The following DOCK3 variants were observed in gnomAD, a reference collection of about 807,000 sequenced individuals.
The protein encoded by DOCK3 is dedicator of cytokinesis protein 3.
A neutral mutation model predicts 265.6 loss-of-function variants in DOCK3; 60 were observed. The ratio of observed to expected loss-of-function variants is 0.23; its 90% confidence interval spans 0.18 to 0.28. DOCK3 has a LOEUF of 0.28. Ranked by LOEUF, DOCK3 falls within the 10% of genes least tolerant of loss-of-function variation. The probability of loss-of-function intolerance (pLI) is 1.00; values close to 1 mark genes in which losing one functional copy is unlikely to be tolerated. For synonymous variants in DOCK3, 881 were observed against 938.0 expected (o/e 0.94, Z 1.11); for missense variants, 1,981 against 2,594.3 (o/e 0.76, Z 5.14).
intron 1 of DOCK3, among the ~76,000 whole-genome samples, chr3:50,720,786 C>T (rs1559550692): frequency 1.3e-5 from 2 of 152,190 alleles, no homozygotes; most frequent in Non-Finnish European, 1.5e-5. Context: ...AAACTTCTTC[C>T]ACAATGGCTG....
chr3:51,361,921 G>C lies in DOCK3; in HGVS notation c.5069G>C (p.Ser1690Thr). ...TCCTCTCTCTCCTCACATGCGTCTA[G>C]TGAAGCAGGAAACATGGTGATGCTG... ...SSSSLSSHAS[S>T]EAGNMVMLGD... is the part of the protein sequence containing the mutation. The change falls in exon 48 of 53, where the codon AGT (serine) becomes ACT (threonine). Residue 1690 changes from serine to threonine, a missense_variant. By Grantham distance (58) the Ser-to-Thr change is moderately conservative. Coordinates refer to ENST00000266037, the MANE Select transcript of DOCK3 (RefSeq NM_004947.5). This position sits in a 1 kb window ranked among gnomAD's most constrained non-coding sequence, Gnocchi z 4.2. 6.2e-7 allele frequency: 1 copy of C among 1,613,154 alleles called. No individual in the cohort carries two copies. The highest frequency in any genetic ancestry group is 8.5e-7 in the Non-Finnish European group (1 of 1,179,598).
intron 12 of DOCK3, among the ~76,000 whole-genome samples, chr3:51,197,083 G>T (rs540644507): frequency 2.0e-5 from 3 of 152,184 alleles, no homozygotes; most frequent in African/African-American, 7.2e-5. Flanking sequence ...TTTGACTCTG[G>T]TGTGTGCAGT....
intron 12 of DOCK3, among the ~76,000 whole-genome samples, chr3:51,200,827 T>C (rs1198632159): frequency 6.6e-6 from 1 of 152,152 alleles, no homozygotes; most frequent in African/African-American, 2.4e-5. Flanking sequence ...GCGGATCTCT[T>C]GGCAGAAACT....
intron 5 of DOCK3, among the ~76,000 whole-genome samples, chr3:50,948,012 C>T (rs112271582): frequency 0.049 from 6,813 of 140,154 alleles, 239 homozygotes; most frequent in Non-Finnish European, 0.074. Context: ...CCTGCCACCA[C>T]GCCCAGCTAA....
At chr3:51,107,584 G>A (rs4511930) in intron 9 of DOCK3, among the ~76,000 whole-genome samples, 137,194 of 152,240 alleles carry the variant, frequency 0.9, 62,013 homozygotes, top group African/African-American at 0.95. Flanking sequence ...AAGCTGAGGA[G>A]AGAATCTCAG....
chr3:50,832,598 T>C (rs921824285), intron 2 of DOCK3, among the ~76,000 whole-genome samples: 2 of 152,218 alleles, frequency 1.3e-5, no homozygotes, highest in Non-Finnish European at 2.9e-5. Context: ...TGACTTAGAA[T>C]TCCTAAACTC....
intron 1 of DOCK3, among the ~76,000 whole-genome samples, chr3:50,722,015 C>T (rs375900842): frequency 6.6e-6 from 1 of 151,938 alleles, no homozygotes; most frequent in East Asian, 1.9e-4. Flanking sequence ...GGAAATATGC[C>T]AAAAGAAAGA....
chr3:51,115,132 T>C (rs1446342726), intron 9 of DOCK3, among the ~76,000 whole-genome samples: 1 of 152,238 alleles, frequency 6.6e-6, no homozygotes, highest in Non-Finnish European at 1.5e-5. Flanking sequence ...TATAGTAGAA[T>C]GATTTATAAT....
chr3:51,381,389 C>T lies in DOCK3; in HGVS notation c.5923C>T (p.Pro1975Ser), dbSNP rs547589839. 1 of 1,612,726 alleles carries T rather than the reference C, an allele frequency of 6.2e-7. No individual in the cohort carries two copies. Among genetic ancestry groups the T allele is most frequent in the South Asian group, 1.1e-5 (1 of 91,058 alleles). Reference protein sequence around the residue: ...QDPMDPPALPPKPYHPRLPAL... With the variant: ...QDPMDPPALPSKPYHPRLPAL... ...CCCCATGGACCCGCCTGCGCTGCCG[C>T]CCAAGCCCTACCACCCCCGCCTGCC... The change falls in exon 53 of 53, where the codon CCC becomes TCC. Residue 1975 changes from proline (P) to serine (S), a missense_variant. This residue lies in a region of DOCK3 where 149 missense variants were observed against 144.7 expected (regional missense o/e 1.03). Coordinates refer to ENST00000266037, the MANE Select transcript of DOCK3 (RefSeq NM_004947.5). The surrounding 1 kb of genome is among the most constrained non-coding windows in gnomAD (Gnocchi z 5.6).
At position 50,900,914 on chromosome 3, in the gene DOCK3, C is replaced by G. The variant is rs538532056; in HGVS notation, c.218+10833C>G. On this transcript the variant is annotated intron_variant, in intron 4 of 52. Transcript: ENST00000266037. ...CTCCTGTATGAGGTGTCTGTCGCTC[C>G]CTGTTGGGAGGTGTCTCCTAGTCAG... 3.2e-4 allele frequency: 137 copies of G among 432,268 alleles called. 1 individual carries two copies. The highest frequency in any genetic ancestry group is 2.3e-3 in the South Asian group (135 of 59,950). 26.8% of individuals were successfully genotyped at this position (432,268 alleles called of 1,614,324 possible).
At chr3:50,779,393 T>A (rs1034164388) in intron 2 of DOCK3, among the ~76,000 whole-genome samples, 2 of 151,970 alleles carry the variant, frequency 1.3e-5, no homozygotes, top group Admixed American at 6.6e-5. Context: ...GTTTATTTAT[T>A]TTTTTTTGAG....
chr3:51,080,399 C>T (rs72939985), intron 7 of DOCK3, among the ~76,000 whole-genome samples: 20 of 152,236 alleles, frequency 1.3e-4, no homozygotes, highest in African/African-American at 3.6e-4. Flanking sequence ...GTGTTTTGCT[C>T]CCTGGAAGTG....
intron 22 of DOCK3, among the ~76,000 whole-genome samples, chr3:51,251,529 C>T (rs549175240): frequency 1.3e-5 from 2 of 152,274 alleles, no homozygotes; most frequent in South Asian, 2.1e-4. Flanking sequence ...CTCTCCAGCA[C>T]CTGTTGTTTC....
chr3:51,225,974 T>G (rs1261302216), intron 15 of DOCK3, among the ~76,000 whole-genome samples: 1 of 152,242 alleles, frequency 6.6e-6, no homozygotes, highest in Non-Finnish European at 1.5e-5. Context: ...TGCAGAAATT[T>G]ATCCTAGTGT....
chr3:51,174,957 T>C (rs2086864529), intron 12 of DOCK3, among the ~76,000 whole-genome samples: 2 of 152,314 alleles, frequency 1.3e-5, no homozygotes, highest in South Asian at 2.1e-4. Flanking sequence ...CCTTGGTCAA[T>C]AGAGCTGAGG....
intron 49 of DOCK3, among the ~76,000 whole-genome samples, chr3:51,370,381 A>C (rs1247897244): frequency 6.6e-6 from 1 of 152,222 alleles, no homozygotes; most frequent in Non-Finnish European, 1.5e-5. Context: ...TAAACACAGA[A>C]GGCAACCAAG....
intron 9 of DOCK3, among the ~76,000 whole-genome samples, chr3:51,107,531 G>A (rs1030273755): frequency 6.6e-6 from 1 of 152,186 alleles, no homozygotes; most frequent in Non-Finnish European, 1.5e-5. Flanking sequence ...ATCTGATAGA[G>A]CTGAAAAACA....
chr3:51,248,365 G>A (rs6792254), intron 22 of DOCK3, among the ~76,000 whole-genome samples: 11,134 of 152,242 alleles, frequency 0.073, 995 homozygotes, highest in East Asian at 0.32. Context: ...ACTGGTTTTC[G>A]TATTTTTTTG....
chr3:51,266,988 C>A (rs958199898), intron 23 of DOCK3, among the ~76,000 whole-genome samples: 30 of 151,654 alleles, frequency 2.0e-4, no homozygotes, highest in East Asian at 3.9e-4. Context: ...CAAGAAAAAA[C>A]CATCAAAAAG....
Sources: gnomAD v4.1 joint callset for allele counts (sites outside exome capture counted in the v4.1 genomes callset) on GRCh38, gnomAD v4.1.1 for gene constraint, gnomAD v4.1.1 regional missense constraint, Gnocchi (gnomAD v3.1) non-coding constraint, MANE v1.5 for transcripts, NCBI Gene and HGNC (gene_info 2026-07-23, HGNC 2026-07-21) for gene names.